Variants in SLC22A25 observed in about 807,000 individuals in gnomAD.
SLC22A25 encodes MGI:2442751, MGI:2385316, MGI:3042283, MGI:3645714, MGI:3605624, MGI:2442750.
A neutral mutation model predicts 45.9 loss-of-function variants in SLC22A25; 44 were observed. That is an observed-to-expected ratio of 0.96 (90% confidence interval 0.75 to 1.23). The LOEUF (loss-of-function observed/expected upper bound fraction) is 1.23. SLC22A25 is among the 50% of genes most tolerant of loss of function. The pLI, the probability that SLC22A25 is intolerant of heterozygous loss-of-function variation, is 0.00. For synonymous variants in SLC22A25, 283 were observed against 238.6 expected, an observed-to-expected ratio of 1.19 and a Z score of -1.72; for missense variants, 800 against 666.4, an observed-to-expected ratio of 1.20 and a Z score of -2.21.
intron 7 of SLC22A25, among the ~76,000 whole-genome samples, chr11:63,205,603 G>C (rs1460139185): frequency 6.6e-6 from 1 of 152,136 alleles, no homozygotes; most frequent in Admixed American, 6.5e-5. Context: ...GACTAAACCA[G>C]GAAGAAGTTG....
chr11:63,216,371 G>A (rs756362061), intron 7 of SLC22A25, among the ~76,000 whole-genome samples: 1 of 152,040 alleles, frequency 6.6e-6, no homozygotes, highest in Non-Finnish European at 1.5e-5. Flanking sequence ...CCCATTACTG[G>A]GTATATACCC....
chr11:63,187,076 A>G (rs375965001), intron 7 of SLC22A25, among the ~76,000 whole-genome samples: 34 of 152,072 alleles, frequency 2.2e-4, no homozygotes, highest in Non-Finnish European at 4.3e-4. Context: ...TTCCAATTCT[A>G]TGAAGAAAGT....
chr11:63,233,935 G>T (rs1290208451), intron 3 of SLC22A25, among the ~76,000 whole-genome samples: 1 of 152,182 alleles, frequency 6.6e-6, no homozygotes, highest in African/African-American at 2.4e-5. Flanking sequence ...TTTCCATGTA[G>T]TTGAGCAGTT....
At chr11:63,233,149 A>C (rs1392901877) in intron 3 of SLC22A25, among the ~76,000 whole-genome samples, 1 of 152,212 alleles carries the variant, frequency 6.6e-6, no homozygotes, top group African/African-American at 2.4e-5. Context: ...CTGGCCTCAT[A>C]AAATGAGTTA....
chr11:63,217,426 C>G lies in SLC22A25; in HGVS notation c.718G>C (p.Ala240Pro). 1 of 1,614,042 alleles carries G rather than the reference C, an allele frequency of 6.2e-7. No homozygotes were observed. The highest frequency in any genetic ancestry group is 8.5e-7 in the Non-Finnish European group (1 of 1,180,000). ...AGGGTTATATGTCCAATACTAGCAG[C>G]ACAAAGTGTCAATGTCAATGCCATG... Reference protein sequence around the residue: ...CAMALTLTLCAASIGHITLGS... With the variant: ...CAMALTLTLCPASIGHITLGS... Residue 240 changes from alanine to proline, a missense_variant, in exon 7 of 12, where the codon GCT becomes CCT. Coordinates refer to ENST00000306494, the MANE Select transcript of SLC22A25 (RefSeq NM_199352.6).
chr11:63,221,030 G>C (rs1178358380), intron 5 of SLC22A25, among the ~76,000 whole-genome samples: 1 of 151,970 alleles, frequency 6.6e-6, no homozygotes, highest in Non-Finnish European at 1.5e-5. Flanking sequence ...CATCTGTTGT[G>C]GACACTTAGG....
Position 63,217,573 on chromosome 11 carries a change from T to G in SLC22A25, c.661+8A>C. 6.2e-7 allele frequency: 1 copy of G among 1,611,396 alleles called. No homozygotes were observed. The highest frequency in any genetic ancestry group is 1.1e-5 in the South Asian group (1 of 90,792). On this transcript the variant is annotated splice_region_variant and intron_variant, in intron 6 of 11. Coordinates refer to ENST00000306494, the MANE Select transcript of SLC22A25 (RefSeq NM_199352.6). ...CTTGGAAAATGTGGATCGAAAATAT[T>G]GACTTACTTAACAAAACAGTATTTA...
At chr11:63,220,048 G>A (rs776863425) in intron 5 of SLC22A25, 4 of 1,272,048 alleles carry the variant, frequency 3.1e-6, no homozygotes, top group Non-Finnish European at 4.1e-6. Flanking sequence ...CATACGGTAA[G>A]TTAGAGGGTA....
chr11:63,206,094 G>A (rs1167206994), intron 7 of SLC22A25, among the ~76,000 whole-genome samples: 1 of 152,158 alleles, frequency 6.6e-6, no homozygotes, highest in Non-Finnish European at 1.5e-5. Context: ...ACCACTTCAT[G>A]CTAAAAACTC....
At chr11:63,202,970 A>T (rs529491092) in intron 7 of SLC22A25, among the ~76,000 whole-genome samples, 5 of 152,318 alleles carry the variant, frequency 3.3e-5, no homozygotes, top group African/African-American at 1.2e-4. Context: ...AGCAGGCAGC[A>T]ATCTTTGCTG....
chr11:63,227,085 G>A (rs1294224854), intron 5 of SLC22A25, among the ~76,000 whole-genome samples: 1 of 152,114 alleles, frequency 6.6e-6, no homozygotes, highest in Non-Finnish European at 1.5e-5. Context: ...CTGCCCAAGA[G>A]CTAAGACCTA....
intron 9 of SLC22A25, among the ~76,000 whole-genome samples, chr11:63,170,956 T>G (rs1199876789): frequency 6.6e-6 from 1 of 152,102 alleles, no homozygotes; most frequent in Non-Finnish European, 1.5e-5. Context: ...CATCAAAAGC[T>G]TATCCACCAC....
intron 7 of SLC22A25, among the ~76,000 whole-genome samples, chr11:63,204,330 G>A (rs1156598180): frequency 1.3e-5 from 2 of 152,098 alleles, no homozygotes; most frequent in Non-Finnish European, 2.9e-5. Flanking sequence ...AATGTAAATG[G>A]GCTAAATGCC....
chr11:63,213,948 G>C (rs1458099465), intron 7 of SLC22A25, among the ~76,000 whole-genome samples: 1 of 152,192 alleles, frequency 6.6e-6, no homozygotes, highest in Non-Finnish European at 1.5e-5. Context: ...CACTCAGAAG[G>C]CTGAATTAAA....
At chr11:63,218,631 A>G (rs2089780131) in intron 5 of SLC22A25, among the ~76,000 whole-genome samples, 1 of 152,250 alleles carries the variant, frequency 6.6e-6, no homozygotes, top group African/African-American at 2.4e-5. Flanking sequence ...AAGAGATCTA[A>G]TTCTATACAT....
intron 5 of SLC22A25, among the ~76,000 whole-genome samples, chr11:63,218,528 A>G (rs1187652284): frequency 2.0e-5 from 3 of 152,096 alleles, no homozygotes; most frequent in African/African-American, 7.2e-5. Flanking sequence ...AAAAAGAGAA[A>G]TATCTCCTGT....
At chr11:63,182,401 G>T (rs1393054961) in intron 8 of SLC22A25, among the ~76,000 whole-genome samples, 2 of 151,666 alleles carry the variant, frequency 1.3e-5, no homozygotes, top group Non-Finnish European at 2.9e-5. Context: ...CAACCTTGTA[G>T]GTCACATGCT....
intron 7 of SLC22A25, among the ~76,000 whole-genome samples, chr11:63,208,844 G>A (rs1302922657): frequency 6.6e-6 from 1 of 152,114 alleles, no homozygotes; most frequent in Non-Finnish European, 1.5e-5. Context: ...GCTGTGACAG[G>A]GGAAGGCACG....
intron 3 of SLC22A25, among the ~76,000 whole-genome samples, chr11:63,234,275 T>A (rs1295062343): frequency 1.3e-5 from 2 of 152,162 alleles, no homozygotes; most frequent in Non-Finnish European, 2.9e-5. Flanking sequence ...GGAGTCTAAG[T>A]CTCTTTGTAT....
Sources: allele counts gnomAD v4.1 joint callset (sites outside exome capture counted in the v4.1 genomes callset), GRCh38; gene constraint gnomAD v4.1.1; transcripts MANE v1.5; gene names NCBI Gene and HGNC (gene_info 2026-07-23, HGNC 2026-07-21).